RUNX1T1: variants seen among roughly 807,000 people sequenced by gnomAD.
RUNX1T1 encodes protein CBFA2T1.
In RUNX1T1, 4 loss-of-function variants were observed where a neutral mutation model predicts 62.8. That is an observed-to-expected ratio of 0.06 (90% CI 0.03 to 0.15). The LOEUF is 0.15. Among genes scored for constraint, RUNX1T1 ranks in the 10% least tolerant of loss-of-function variants. The pLI is 1.00. For synonymous variants in RUNX1T1, 291 were observed against 286.0 expected (o/e 1.02, Z -0.18); for missense variants, 508 against 754.3 (o/e 0.67, Z 3.82).
At chr8:91,984,396 A>G (rs1409543986) in intron 8 of RUNX1T1, among the ~76,000 whole-genome samples, 3 of 152,176 alleles carry the variant, frequency 2.0e-5, no homozygotes, top group Non-Finnish European at 4.4e-5. Flanking sequence ...GGCAGATAAT[A>G]GCAATCTGGT....
intron 1 of RUNX1T1, among the ~76,000 whole-genome samples, chr8:92,030,723 A>T: frequency 6.6e-6 from 1 of 152,184 alleles, no homozygotes; most frequent in Non-Finnish European, 1.5e-5. Context: ...CTGTTTAGCC[A>T]CTTCTCATTC....
upstream of RUNX1T1, among the ~76,000 whole-genome samples, chr8:92,065,974 C>G (rs1587433235): frequency 1.3e-5 from 2 of 152,184 alleles, no homozygotes; most frequent in South Asian, 2.1e-4. Flanking sequence ...CTGCCACCAA[C>G]TATTCAATAC....
At chr8:92,044,433 A>T (rs1176590386) in intron 1 of RUNX1T1, among the ~76,000 whole-genome samples, 1 of 152,224 alleles carries the variant, frequency 6.6e-6, no homozygotes, top group Admixed American at 6.5e-5. Flanking sequence ...TATGGTAAAA[A>T]ATGAGTGAAG....
At chr8:92,060,543 A>ATGTG (rs1483893086) in intron 1 of RUNX1T1, among the ~76,000 whole-genome samples, 5 of 105,602 alleles carry the variant, frequency 4.7e-5, no homozygotes, top group African/African-American at 1.4e-4. Context: ...ATATATATAT[A>ATGTG]TATATATATA....
At chr8:92,101,615 C>T (rs1838038990), upstream of RUNX1T1, among the ~76,000 whole-genome samples, 2 of 152,310 alleles carry the variant, frequency 1.3e-5, no homozygotes, top group Middle Eastern at 3.4e-3. Context: ...CAGCCAAATC[C>T]TCCAAACTGA....
intron 1 of RUNX1T1, among the ~76,000 whole-genome samples, chr8:92,021,288 C>A (rs1362648536): frequency 2.6e-5 from 4 of 152,092 alleles, no homozygotes; most frequent in Non-Finnish European, 5.9e-5. Flanking sequence ...ATTTTTATTT[C>A]ACTGGAAAAG....
At chr8:91,986,493 T>C (rs957155456) in intron 7 of RUNX1T1, among the ~76,000 whole-genome samples, 168 bp from the exon 9 acceptor site, 7 of 152,134 alleles carry the variant, frequency 4.6e-5, no homozygotes, top group Non-Finnish European at 7.3e-5. Context: ...AGCCAATAGA[T>C]GGAAAATTCA....
chr8:92,102,691 T>C (rs537943773), upstream of RUNX1T1, among the ~76,000 whole-genome samples: 1 of 152,298 alleles, frequency 6.6e-6, no homozygotes, highest in African/African-American at 2.4e-5. This position sits in a 1 kb window ranked among gnomAD's most constrained non-coding sequence, Gnocchi z 4.5. Context: ...ATGTTCCTCT[T>C]TGCCCTGGTG....
chr8:91,956,987 T>C, downstream of RUNX1T1: 1 of 193,958 alleles, frequency 5.2e-6, no homozygotes. Flanking sequence ...AAAAAAAATT[T>C]AAGAAAAAAA....
intron 1 of RUNX1T1, among the ~76,000 whole-genome samples, chr8:92,048,201 T>C (rs1019933146): frequency 1.3e-5 from 2 of 152,190 alleles, no homozygotes; most frequent in African/African-American, 4.8e-5. Context: ...TTCAATACAC[T>C]TGTTTTAGAC....
chr8:92,076,205 G>A lies in RUNX1T1; in HGVS notation c.-85-68C>T, dbSNP rs142562501. 10,082 of 1,247,530 alleles carry A rather than the reference G, an allele frequency of 8.1e-3. 56 individuals are homozygous for A. Among genetic ancestry groups the A allele is most frequent in the South Asian group, 0.013 (602 of 45,028 alleles). The allele number at this position is 1,247,530 out of a possible 1,614,324, so 77.3% of individuals were successfully genotyped here. A position where few individuals can be genotyped will look rare whatever the true frequency, so the allele number is the denominator to read the frequency against. Reference sequence around the variant, plus strand: ...CCAGTCTGAAGTATCATACCCATCTGTTTACATGATAACACTAGGCCAGTT... The same window carrying A: ...CCAGTCTGAAGTATCATACCCATCTATTTACATGATAACACTAGGCCAGTT... On this transcript the variant is annotated intron_variant, in intron 1 of 11. Transcript: ENST00000265814.
intron 2 of RUNX1T1, among the ~76,000 whole-genome samples, chr8:92,072,619 T>G (rs1234797495): frequency 6.6e-6 from 1 of 152,236 alleles, no homozygotes; most frequent in Non-Finnish European, 1.5e-5. Flanking sequence ...ACAACTGGCA[T>G]GCTGCCAAAT....
intron 6 of RUNX1T1, among the ~76,000 whole-genome samples, chr8:91,991,173 A>G (rs1817596127): frequency 6.6e-6 from 1 of 151,280 alleles, no homozygotes; most frequent in African/African-American, 2.5e-5. Flanking sequence ...GCCATATCAC[A>G]CTTTGGAAAT....
intron 1 of RUNX1T1, among the ~76,000 whole-genome samples, chr8:92,061,753 TGGAG>T (rs1303723234): frequency 1.3e-5 from 2 of 152,174 alleles, no homozygotes; most frequent in Non-Finnish European, 2.9e-5. Context: ...ATCGGCCAGC[TGGAG>T]GATCTCTATC....
At chr8:92,029,363 T>C (rs1024210106) in intron 1 of RUNX1T1, among the ~76,000 whole-genome samples, 1 of 152,070 alleles carries the variant, frequency 6.6e-6, no homozygotes, top group African/African-American at 2.4e-5. Flanking sequence ...CTAGGCAAGA[T>C]AGAACACAGG....
chr8:92,023,406 A>G (rs909144248), intron 1 of RUNX1T1, among the ~76,000 whole-genome samples: 1 of 152,228 alleles, frequency 6.6e-6, no homozygotes, highest in African/African-American at 2.4e-5. Context: ...GACCACAAAT[A>G]CAATCACTTT....
intron 10 of RUNX1T1, among the ~76,000 whole-genome samples, chr8:91,966,567 C>T (rs1421136327): frequency 6.6e-6 from 1 of 152,072 alleles, no homozygotes; most frequent in Non-Finnish European, 1.5e-5. Context: ...TAGAAGTTTC[C>T]TTGGAAATAG....
At chr8:92,091,285 C>T (rs552574343) in intron 1 of RUNX1T1, among the ~76,000 whole-genome samples, 4 of 152,162 alleles carry the variant, frequency 2.6e-5, no homozygotes, top group Non-Finnish European at 5.9e-5. Context: ...TCATGAATTA[C>T]TTTATAAAGG....
downstream of RUNX1T1, chr8:91,955,022 C>G (rs1809144840): frequency 4.9e-6 from 1 of 202,328 alleles, no homozygotes; most frequent in African/African-American, 2.3e-5. Flanking sequence ...GTATAGACAC[C>G]CATACAGAAC....
Sources: gnomAD v4.1 joint callset for allele counts (sites outside exome capture counted in the v4.1 genomes callset) on GRCh38, gnomAD v4.1.1 for gene constraint, Gnocchi (gnomAD v3.1) non-coding constraint, MANE v1.5 for transcripts, NCBI Gene and HGNC (gene_info 2026-07-23, HGNC 2026-07-21) for gene names.